The following PRKCG variants were observed in gnomAD, a reference collection of about 807,000 sequenced individuals.
PRKCG encodes the protein protein kinase C gamma, also known as protein kinase C gamma type.
A neutral mutation model predicts 82.0 loss-of-function variants in PRKCG; 28 were observed. That is an observed-to-expected ratio of 0.34 (90% CI 0.25 to 0.47). The LOEUF (loss-of-function observed/expected upper bound fraction) is 0.47. PRKCG is among the 20% of genes least tolerant of loss of function. The probability of loss-of-function intolerance (pLI) is 1.00; values close to 1 mark genes in which losing one functional copy is unlikely to be tolerated. For missense variants in PRKCG, 640 were observed against 952.7 expected (o/e 0.67, Z 4.32); for synonymous variants, 383 against 376.6 (o/e 1.02, Z -0.20).
At chr19:53,904,530 G>T in intron 15 of PRKCG, 105 bp from the exon 16 acceptor site, 1 of 903,312 alleles carries the variant, frequency 1.1e-6, no homozygotes, top group East Asian at 2.6e-5. Context: ...CATGTGGGGC[G>T]TGTGATGGGT....
In PRKCG at chr19:53,891,770, A is replaced by C; in HGVS notation, c.626A>C (p.Lys209Thr). ...KLIPDPRNLT[K>T]QKTRTVKATL... ...ATCCCAGACCCTCGGAACCTGACGA[A>C]ACAGAAGACCCGAACGGTGAAAGCC... is the stretch of plus-strand genomic sequence containing the variant. The change falls in exon 6 of 18, where the codon AAA (lysine) becomes ACA (threonine). Residue 209 changes from lysine (K) to threonine (T), a missense_variant. Physicochemically the swap from Lys to Thr is moderately conservative, Grantham distance 78 (BLOSUM62 -1). Transcript: ENST00000263431. 3 of 1,614,142 alleles carry C rather than the reference A, an allele frequency of 1.9e-6. No individual in the cohort carries two copies. Among genetic ancestry groups the C allele is most frequent in the Non-Finnish European group, 2.5e-6 (3 of 1,180,032 alleles).
intron 5 of PRKCG, 116 bp from the exon 6 acceptor site, chr19:53,891,558 A>AG: frequency 3.8e-6 from 5 of 1,321,766 alleles, no homozygotes; most frequent in Non-Finnish European, 5.4e-6. Context: ...CTGGGATTAC[A>AG]GGCATGAGCC....
chr19:53,891,689 AC>A lies in PRKCG; in HGVS notation c.547del (p.Leu183Ter). 6.2e-7 allele frequency: 1 copy of A among 1,613,946 alleles called. No individual in the cohort carries two copies. The highest frequency in any genetic ancestry group is 8.5e-7 in the Non-Finnish European group (1 of 1,179,980). ...CCCCGTTTAGTTGGCGAGGCCCGTA[AC>A]CTAATTCCTATGGACCCCAATGGTC... Reference protein sequence around the residue: ...EIHVTVGEARNLIPMDPNGLS... With the variant: ...EIHVTVGEARXLIPMDPNGLS... On this transcript the variant is annotated frameshift_variant, in exon 6 of 18. Transcript: ENST00000263431. LOFTEE classifies it high-confidence loss of function.
At position 53,898,561 on chromosome 19, in the gene PRKCG, TG is replaced by T. The variant is rs1324974599; in HGVS notation, c.1220del (p.Gly407AlafsTer27). ...CTLVEKRVLA[L>X]GGRGPGGRPH... ...CTGGTGGAGAAACGTGTGCTGGCGC[TG>T]GGGGGCCGGGGTCCTGGCGGCCGGC... is the stretch of plus-strand genomic sequence containing the variant. On this transcript the variant is annotated frameshift_variant, in exon 11 of 18. Coordinates refer to ENST00000263431, the MANE Select transcript of PRKCG (RefSeq NM_002739.5). LOFTEE classifies it high-confidence loss of function. 1 of 1,612,648 alleles carries T rather than the reference TG, an allele frequency of 6.2e-7. No individual in the cohort carries two copies. The highest frequency in any genetic ancestry group is 8.5e-7 in the Non-Finnish European group (1 of 1,179,788).
At chr19:53,893,443 T>G (rs2068694996) in intron 9 of PRKCG, 52 bp downstream of exon 9, 1 of 1,549,852 alleles carries the variant, frequency 6.5e-7, no homozygotes, top group African/African-American at 1.4e-5. Flanking sequence ...ACTTCTCTGA[T>G]TTCTTATTCC....
Position 53,883,057 on chromosome 19 carries a change from G to C in PRKCG, c.171-106G>C. The C allele has an allele frequency of 6.9e-7, 1 of 1,441,048 alleles. No homozygotes were observed. Among genetic ancestry groups the C allele is most frequent in the Non-Finnish European group, 9.8e-7 (1 of 1,024,360 alleles). 89.3% of individuals were successfully genotyped at this position (1,441,048 alleles called of 1,614,324 possible). On this transcript the variant is annotated intron_variant, in intron 1 of 17. Coordinates refer to ENST00000263431, the MANE Select transcript of PRKCG (RefSeq NM_002739.5). This position sits in a 1 kb window ranked among gnomAD's most constrained non-coding sequence, Gnocchi z 5.4. The stretch of plus-strand genomic sequence containing the variant: ...GAGGTGGCCGGGGCTTGGACACCTG[G>C]GCCCTGCGGGAGGAGGGTCAGAGAG...
chr19:53,888,974 A>T lies in PRKCG; in HGVS notation c.286-664A>T, dbSNP rs151002982. ...TTTGTTGTTGTTGTTGTTGTTTGAG[A>T]CAGAATCTTGCTCTGTCATCCAGGC... On this transcript the variant is annotated intron_variant, in intron 3 of 17. Coordinates refer to ENST00000263431, the MANE Select transcript of PRKCG (RefSeq NM_002739.5). Among the ~76,000 whole-genome samples, 640 of 152,128 alleles carry T rather than the reference A, an allele frequency of 4.2e-3. 13 individuals carry two copies. The East Asian group carries it at 0.06, about 14-fold the overall frequency.
At chr19:53,885,671 T>C (rs2068626121) in intron 3 of PRKCG, among the ~76,000 whole-genome samples, 1 of 152,102 alleles carries the variant, frequency 6.6e-6, no homozygotes, top group Admixed American at 6.6e-5. Flanking sequence ...GGAGACAGTT[T>C]TATGATGTAC....
Position 53,906,361 on chromosome 19 carries a change from T to A in PRKCG, c.1809T>A (p.Asp603Glu). Reference protein sequence around the residue: ...HPGKRLGSGPDGEPTIRAHGF... With the variant: ...HPGKRLGSGPEGEPTIRAHGF... ...GGAAGCGCCTGGGCTCAGGGCCTGA[T>A]GGGGAACCTACCATCCGTGCACATG... The change falls in exon 17 of 18, where the codon GAT becomes GAA. Residue 603 changes from aspartate (D) to glutamate (E), a missense_variant. Asp to Glu is a conservative substitution (Grantham distance 45). Transcript: ENST00000263431. The A allele has an allele frequency of 1.3e-6, 2 of 1,553,780 alleles. No individual in the cohort carries two copies. The highest frequency in any genetic ancestry group is 2.4e-5 in the South Asian group (2 of 84,272).
At chr19:53,888,749 G>T (rs1417162469) in intron 3 of PRKCG, among the ~76,000 whole-genome samples, 1 of 152,018 alleles carries the variant, frequency 6.6e-6, no homozygotes, top group Admixed American at 6.6e-5. Context: ...GGAGCTCAGA[G>T]AAGGCATACC....
At chr19:53,899,272 A>G in intron 11 of PRKCG, among the ~76,000 whole-genome samples, 1 of 152,122 alleles carries the variant, frequency 6.6e-6, no homozygotes, top group East Asian at 1.9e-4. Context: ...GGGAGTGGCC[A>G]GATGCCTGTT....
At chr19:53,897,812 G>A in intron 9 of PRKCG, 147 bp from the exon 10 acceptor site, 1 of 1,012,862 alleles carries the variant, frequency 9.9e-7, no homozygotes, top group Non-Finnish European at 1.5e-6. Context: ...AGAAAATTAA[G>A]CCAAGGACAG....
At position 53,900,962 on chromosome 19, in the gene PRKCG, G is replaced by T. The variant is rs912325427; in HGVS notation, c.1575+213G>T. ...CCAGCTGGGTCTCTAAATAGGTAAG[G>T]TGGGCAGCACCTGTGGGTGAATGTT... On this transcript the variant is annotated intron_variant, in intron 14 of 17. Coordinates refer to ENST00000263431, the MANE Select transcript of PRKCG (RefSeq NM_002739.5). This position sits in a 1 kb window ranked among gnomAD's most constrained non-coding sequence, Gnocchi z 4.2. Among the ~76,000 whole-genome samples, 1 of 152,224 alleles carries T rather than the reference G, an allele frequency of 6.6e-6. No homozygotes were observed. Among genetic ancestry groups the T allele is most frequent in the Admixed American group, 6.5e-5 (1 of 15,286 alleles).
chr19:53,890,441 A>G (rs916766521), intron 5 of PRKCG, among the ~76,000 whole-genome samples: 2 of 146,648 alleles, frequency 1.4e-5, no homozygotes, highest in African/African-American at 2.5e-5. Context: ...TATTTTTAGT[A>G]CAAACGGGGT....
chr19:53,904,182 G>A (rs905266560), intron 15 of PRKCG, among the ~76,000 whole-genome samples: 2 of 151,902 alleles, frequency 1.3e-5, no homozygotes, highest in African/African-American at 2.4e-5. Context: ...GATCACTTGA[G>A]GTCAGGAGTT....
chr19:53,897,667 C>T (rs1479762026), intron 9 of PRKCG, among the ~76,000 whole-genome samples: 1 of 151,518 alleles, frequency 6.6e-6, no homozygotes, highest in Non-Finnish European at 1.5e-5. Flanking sequence ...CTAGTCTCCT[C>T]TTCTGTAAAA....
At chr19:53,897,273 A>T (rs1041196488) in intron 9 of PRKCG, among the ~76,000 whole-genome samples, 1 of 152,156 alleles carries the variant, frequency 6.6e-6, no homozygotes, top group Non-Finnish European at 1.5e-5. Flanking sequence ...TAGAGAATGC[A>T]TTAGAAAGGG....
chr19:53,892,469 G>T lies in PRKCG; in HGVS notation c.687-40G>T. On this transcript the variant is annotated intron_variant, in intron 6 of 17. Coordinates refer to ENST00000263431, the MANE Select transcript of PRKCG (RefSeq NM_002739.5). The surrounding 1 kb of genome is among the most constrained non-coding windows in gnomAD (Gnocchi z 5.9). ...AGGATGGGGAACCGAGGGGAGCCAT[G>T]AGCTCGGCTCTGCACCCCATCCACC... 1 of 1,598,038 alleles carries T rather than the reference G, an allele frequency of 6.3e-7. No individual in the cohort carries two copies.
Position 53,892,568 on chromosome 19 carries a change from G to A in PRKCG, c.746G>A (p.Arg249Gln), listed in dbSNP as rs1416084216. Reference sequence around the variant, plus strand: ...AGCGTGGAGGTGTGGGACTGGGACCGGACCTCCCGCAACGACTTCATGGGG... The same window carrying A: ...AGCGTGGAGGTGTGGGACTGGGACCAGACCTCCCGCAACGACTTCATGGGG... Reference protein sequence around the residue: ...RLSVEVWDWDRTSRNDFMGAM... With the variant: ...RLSVEVWDWDQTSRNDFMGAM... The change falls in exon 7 of 18, where the codon CGG (arginine) becomes CAG (glutamine). Residue 249 changes from arginine to glutamine, a missense_variant. Physicochemically the swap from Arg to Gln is conservative, Grantham distance 43. This residue lies in a region of PRKCG where 261 missense variants were observed against 312.1 expected (regional missense o/e 0.84). Transcript: ENST00000263431. This position sits in a 1 kb window ranked among gnomAD's most constrained non-coding sequence, Gnocchi z 5.9. 6 of 1,613,514 alleles carry A rather than the reference G, an allele frequency of 3.7e-6. No individual in the cohort carries two copies. Among genetic ancestry groups the A allele is most frequent in the South Asian group, 1.1e-5 (1 of 91,056 alleles).
Sources: allele counts gnomAD v4.1 joint callset (sites outside exome capture counted in the v4.1 genomes callset), GRCh38; gene constraint gnomAD v4.1.1; regional missense constraint gnomAD v4.1.1; non-coding constraint Gnocchi (gnomAD v3.1); transcripts MANE v1.5; gene names NCBI Gene and HGNC (gene_info 2026-07-23, HGNC 2026-07-21).